The following MYBL1 variants were observed in gnomAD, a reference collection of about 807,000 sequenced individuals.
The protein encoded by MYBL1 is MYB proto-oncogene like 1.
In MYBL1, 17 loss-of-function variants were observed where a neutral mutation model predicts 96.3. The ratio of observed to expected loss-of-function variants is 0.18; its 90% CI spans 0.12 to 0.26. The LOEUF is 0.26. Ranked by LOEUF, MYBL1 falls within the 10% of genes least tolerant of loss-of-function variation. The probability of loss-of-function intolerance (pLI) is 1.00; values close to 1 mark genes in which losing one functional copy is unlikely to be tolerated. For synonymous variants in MYBL1, 282 were observed against 292.7 expected, an observed-to-expected ratio of 0.96 and a Z score of 0.37; for missense variants, 701 against 882.9, an observed-to-expected ratio of 0.79 and a Z score of 2.61.
rs1810492849 is a variant in MYBL1, at chr8:66,610,669, TCA to T, written c.20+2148_20+2149del. Among the ~76,000 whole-genome samples, 6 of 152,158 alleles carry T rather than the reference TCA, an allele frequency of 3.9e-5. No individual in the cohort carries two copies. In the South Asian group the frequency reaches 1.0e-3, roughly 26 times the overall value. On this transcript the variant is annotated intron_variant, in intron 1 of 15. Transcript: ENST00000522677. ...GACATTATTTTTGCTTCAAAACAAT[TCA>T]CACTCTATCCTCTTTTGTTTTTTGT...
intron 11 of MYBL1, 82 bp downstream of exon 11, chr8:66,573,282 C>A: frequency 7.9e-7 from 1 of 1,261,026 alleles, no homozygotes; most frequent in Non-Finnish European, 1.1e-6. Flanking sequence ...ATGATACTTG[C>A]TATTTATATG....
chr8:66,591,839 ATATG>A (rs1437238632), intron 8 of MYBL1, among the ~76,000 whole-genome samples: 4 of 152,104 alleles, frequency 2.6e-5, no homozygotes, highest in East Asian at 3.8e-4. Flanking sequence ...TCACAAATAT[ATATG>A]TGTGTATATT....
chr8:66,610,870 G>A (rs752835166), intron 1 of MYBL1, among the ~76,000 whole-genome samples: 4 of 152,244 alleles, frequency 2.6e-5, no homozygotes, highest in African/African-American at 4.8e-5. Flanking sequence ...CCCAGGGAGA[G>A]TATAGCTTCA....
chr8:66,595,896 T>C (rs1249330150), intron 5 of MYBL1, 139 bp from the exon 6 acceptor site: 3 of 575,150 alleles, frequency 5.2e-6, no homozygotes, highest in Non-Finnish European at 8.7e-6. Flanking sequence ...TCTTTTGGAG[T>C]TTCTACTCAG....
At chr8:66,588,679 T>C (rs920724388) in intron 8 of MYBL1, among the ~76,000 whole-genome samples, 1 of 152,130 alleles carries the variant, frequency 6.6e-6, no homozygotes, top group Non-Finnish European at 1.5e-5. Flanking sequence ...TAGAGCTCAA[T>C]GGATACTCAG....
intron 8 of MYBL1, among the ~76,000 whole-genome samples, chr8:66,588,243 T>C (rs1216678539): frequency 6.7e-6 from 1 of 150,176 alleles, no homozygotes; most frequent in Admixed American, 6.7e-5. Context: ...GAAAAAACCA[T>C]AGGTTACAAT....
chr8:66,612,951 G>C lies in MYBL1; in HGVS notation c.-113C>G. On this transcript the variant is annotated 5_prime_UTR_variant, in exon 1 of 16. Transcript: ENST00000522677. Reference sequence around the variant, plus strand: ...CTAGCCGCTTCCCTCGCTCCCTCTGGAGGCGGCCGAGTGCGGAACGCACGT... The same window carrying C: ...CTAGCCGCTTCCCTCGCTCCCTCTGCAGGCGGCCGAGTGCGGAACGCACGT... The C allele has an allele frequency of 3.3e-6, 4 of 1,200,144 alleles. No individual in the cohort carries two copies. Among genetic ancestry groups the C allele is most frequent in the Non-Finnish European group, 4.3e-6 (4 of 921,498 alleles). 74.3% of individuals were successfully genotyped at this position (1,200,144 alleles called of 1,614,324 possible). A position where few individuals can be genotyped will look rare whatever the true frequency, so the allele number is the denominator to read the frequency against.
intron 10 of MYBL1, 72 bp from the exon 11 acceptor site, chr8:66,573,578 G>T: frequency 7.9e-7 from 1 of 1,266,454 alleles, no homozygotes; most frequent in Non-Finnish European, 1.1e-6. Flanking sequence ...AAACTGATAA[G>T]ATTTTCAAAT....
At chr8:66,573,527 A>C (rs753185041) in intron 10 of MYBL1, 21 bp from the exon 11 acceptor site, 10 of 1,576,592 alleles carry the variant, frequency 6.3e-6, no homozygotes, top group Non-Finnish European at 8.6e-6. Context: ...AAGAGAGTTT[A>C]AAGACGACTT....
intron 8 of MYBL1, among the ~76,000 whole-genome samples, chr8:66,584,536 G>T (rs1451790285): frequency 1.3e-5 from 2 of 152,014 alleles, no homozygotes; most frequent in Non-Finnish European, 2.9e-5. Flanking sequence ...GGGTAATGTT[G>T]CAGGACAAAA....
At chr8:66,601,618 A>G in intron 3 of MYBL1, 80 bp downstream of exon 3, 1 of 763,288 alleles carries the variant, frequency 1.3e-6, no homozygotes, top group Non-Finnish European at 2.1e-6. Context: ...AAATATGTAG[A>G]CACATTTTTG....
At chr8:66,595,453 A>T in intron 6 of MYBL1, 130 bp downstream of exon 6, 1 of 431,900 alleles carries the variant, frequency 2.3e-6, no homozygotes, top group Non-Finnish European at 4.0e-6. Context: ...AATCAAAGTT[A>T]CACATTTTTT....
At chr8:66,607,085 G>A (rs1337610976) in intron 1 of MYBL1, among the ~76,000 whole-genome samples, 1 of 151,048 alleles carries the variant, frequency 6.6e-6, no homozygotes, top group Non-Finnish European at 1.5e-5. Flanking sequence ...GAGCAACCAC[G>A]CCTGGCCCAT....
chr8:66,570,556 C>T (rs1157076909), intron 12 of MYBL1, among the ~76,000 whole-genome samples: 1 of 152,168 alleles, frequency 6.6e-6, no homozygotes, highest in Non-Finnish European at 1.5e-5. Flanking sequence ...CTTGTCTAAT[C>T]CCCAATTAGT....
intron 12 of MYBL1, among the ~76,000 whole-genome samples, chr8:66,570,535 A>G (rs527571129): frequency 1.3e-5 from 2 of 152,156 alleles, no homozygotes; most frequent in Non-Finnish European, 2.9e-5. Context: ...ATGCTTTCAA[A>G]TCATTGTTTA....
chr8:66,609,015 T>C (rs964675175), intron 1 of MYBL1, among the ~76,000 whole-genome samples: 6 of 152,102 alleles, frequency 3.9e-5, no homozygotes, highest in African/African-American at 1.2e-4. Context: ...AACAGTTTCA[T>C]AGACTGTGAA....
Position 66,613,063 on chromosome 8 carries a change from C to A in MYBL1, c.-225G>T. On this transcript the variant is annotated 5_prime_UTR_variant, in exon 1 of 16. Transcript: ENST00000522677. ...CCGCAGCGCCGCTCTTAGCCCCGGC[C>A]CGGCCCGGCCAGGGATACCCCCAAC... 1 of 430,894 alleles carries A rather than the reference C, an allele frequency of 2.3e-6. No homozygotes were observed. The allele number at this position is 430,894 out of a possible 1,614,324, so 26.7% of individuals were successfully genotyped here.
In MYBL1 at chr8:66,562,968, T is replaced by C. The variant is rs2129655627; in HGVS notation, c.*1729A>G. 6.6e-6 allele frequency: 1 copy of C among 150,864 alleles called. No homozygotes were observed. Among genetic ancestry groups the C allele is most frequent in the African/African-American group, 2.4e-5 (1 of 41,206 alleles). 9.3% of individuals were successfully genotyped at this position (150,864 alleles called of 1,614,324 possible). ...GCAAAAACTAGCAAGTAGATTTAAA[T>C]AGCTTAAAACCCTTTTAGGTCTACT... On this transcript the variant is annotated 3_prime_UTR_variant, in exon 16 of 16. Transcript: ENST00000522677.
chr8:66,598,491 C>T (rs1182053506), intron 4 of MYBL1, among the ~76,000 whole-genome samples: 1 of 152,192 alleles, frequency 6.6e-6, no homozygotes, highest in African/African-American at 2.4e-5. Flanking sequence ...GCATTAGCAA[C>T]CTTTATGACT....
Sources: gnomAD v4.1 joint callset for allele counts (sites outside exome capture counted in the v4.1 genomes callset) on GRCh38, gnomAD v4.1.1 for gene constraint, MANE v1.5 for transcripts, NCBI Gene and HGNC (gene_info 2026-07-23, HGNC 2026-07-21) for gene names.